RYK: variants seen among roughly 807,000 people sequenced by gnomAD.
RYK encodes inactive tyrosine-protein kinase RYK.
RYK carries 21 observed loss-of-function variants against 70.2 expected under a neutral mutation model. The ratio of observed to expected loss-of-function variants is 0.30; its 90% CI spans 0.21 to 0.43. The LOEUF is 0.43. Ranked by LOEUF, RYK falls within the 20% of genes least tolerant of loss-of-function variation. The pLI is 1.00. For synonymous variants in RYK, 267 were observed against 278.0 expected, an observed-to-expected ratio of 0.96 and a Z score of 0.39; for missense variants, 604 against 753.3, an observed-to-expected ratio of 0.80 and a Z score of 2.32.
intron 13 of RYK, among the ~76,000 whole-genome samples, chr3:134,160,738 C>T (rs992388515): frequency 6.6e-6 from 1 of 152,112 alleles, no homozygotes; most frequent in African/African-American, 2.4e-5. Flanking sequence ...GCCTGTAATC[C>T]CAGCTACTCG....
At chr3:134,190,401 T>C (rs1038453082) in intron 8 of RYK, among the ~76,000 whole-genome samples, 1 of 152,130 alleles carries the variant, frequency 6.6e-6, no homozygotes, top group African/African-American at 2.4e-5. Flanking sequence ...TTAAAAACAA[T>C]GGAAGTAAGG....
At chr3:134,221,402 A>C (rs1169517832) in intron 2 of RYK, among the ~76,000 whole-genome samples, 1 of 151,652 alleles carries the variant, frequency 6.6e-6, no homozygotes, top group Non-Finnish European at 1.5e-5. Context: ...ATGGGGTTTC[A>C]CCATGTTGGC....
At chr3:134,192,076 G>A in intron 7 of RYK, 102 bp from the exon 8 acceptor site, 1 of 1,137,602 alleles carries the variant, frequency 8.8e-7, no homozygotes, top group Non-Finnish European at 1.3e-6. Context: ...TCACAGGAAT[G>A]AGTGTAAGAA....
chr3:134,195,823 G>A (rs1281741566), intron 6 of RYK, among the ~76,000 whole-genome samples: 1 of 152,108 alleles, frequency 6.6e-6, no homozygotes, highest in Non-Finnish European at 1.5e-5. Context: ...ACGCGTGCCT[G>A]TAGTCCCAGT....
At chr3:134,171,162 T>C (rs554413640) in intron 13 of RYK, 7 of 152,322 alleles carry the variant, frequency 4.6e-5, no homozygotes, top group East Asian at 1.9e-4. Context: ...ATTAAGTTAA[T>C]GGTGATATTT....
At chr3:134,250,069 TAGAA>T (rs1478580869) in intron 1 of RYK, among the ~76,000 whole-genome samples, 2 of 151,798 alleles carry the variant, frequency 1.3e-5, no homozygotes, top group African/African-American at 2.4e-5. Flanking sequence ...GTGACACACA[TAGAA>T]AGCGTCAAAA....
chr3:134,219,947 ATTAC>A (rs2014687528), intron 2 of RYK, among the ~76,000 whole-genome samples: 1 of 152,210 alleles, frequency 6.6e-6, no homozygotes, highest in Non-Finnish European at 1.5e-5. Context: ...CTCCCCACAA[ATTAC>A]TTACTAACTA....
At chr3:134,187,240 G>A (rs551409925) in intron 9 of RYK, among the ~76,000 whole-genome samples, 87 of 152,256 alleles carry the variant, frequency 5.7e-4, no homozygotes, top group African/African-American at 2.0e-3. Flanking sequence ...TTTTTTGTTA[G>A]ATTGGTATAA....
At chr3:134,248,049 C>T (rs1691773570) in intron 1 of RYK, among the ~76,000 whole-genome samples, 1 of 152,110 alleles carries the variant, frequency 6.6e-6, no homozygotes, top group Admixed American at 6.5e-5. Flanking sequence ...CATCTCAGTC[C>T]TACCCACTTG....
At chr3:134,176,063 G>A (rs997525956) in intron 11 of RYK, 24 bp from the exon 12 acceptor site, 21 of 1,375,244 alleles carry the variant, frequency 1.5e-5, no homozygotes, top group Non-Finnish European at 2.0e-5. Flanking sequence ...AAATAACATG[G>A]TTTGCAAATA....
intron 13 of RYK, among the ~76,000 whole-genome samples, chr3:134,165,549 A>G (rs2012635242): frequency 6.6e-6 from 1 of 152,182 alleles, no homozygotes; most frequent in South Asian, 2.1e-4. Context: ...CTCCTCTTAG[A>G]TGCCTCTTTA....
chr3:134,177,694 A>G (rs939791125), intron 11 of RYK, among the ~76,000 whole-genome samples: 3 of 152,190 alleles, frequency 2.0e-5, no homozygotes, highest in African/African-American at 7.2e-5. Flanking sequence ...GTTTGAGTTG[A>G]TTATGAATAA....
intron 1 of RYK, 138 bp from the exon 2 acceptor site, chr3:134,222,677 C>T: frequency 1.5e-6 from 1 of 671,042 alleles, no homozygotes; most frequent in Non-Finnish European, 2.4e-6. Context: ...ACATGGGCTG[C>T]CTTATGAAGC....
Position 134,209,993 on chromosome 3 carries a change from C to A in RYK, c.455-164G>T, listed in dbSNP as rs192576656. On this transcript the variant is annotated intron_variant, in intron 3 of 14. Coordinates refer to ENST00000623711, the MANE Select transcript of RYK (RefSeq NM_002958.4). Reference sequence around the variant, plus strand: ...CTAAACAAAAGTTTTTAGAGATCTTCAGACTACCACACCTCTAGACATTAA... The same window carrying A: ...CTAAACAAAAGTTTTTAGAGATCTTAAGACTACCACACCTCTAGACATTAA... 4.6e-5 allele frequency among the ~76,000 whole-genome samples: 7 copies of A among 152,314 alleles called. No individual in the cohort carries two copies. In the East Asian group the frequency reaches 1.3e-3, roughly 29 times the overall value.
intron 8 of RYK, among the ~76,000 whole-genome samples, chr3:134,189,798 G>GT (rs1391222744): frequency 6.7e-6 from 1 of 149,744 alleles, no homozygotes; most frequent in Non-Finnish European, 1.5e-5. Flanking sequence ...AGAGAAGTTA[G>GT]TTATGACCTT....
chr3:134,158,286 A>T (rs1453461871), intron 14 of RYK, 22 bp from the exon 15 acceptor site: 1 of 1,489,404 alleles, frequency 6.7e-7, no homozygotes, highest in Non-Finnish European at 9.1e-7. Context: ...CAAAAATGAA[A>T]ATTTGGGCTA....
chr3:134,208,963 G>A (rs1247892580), intron 4 of RYK, among the ~76,000 whole-genome samples: 2 of 151,814 alleles, frequency 1.3e-5, no homozygotes, highest in Non-Finnish European at 1.5e-5. Context: ...TTCTACCTAC[G>A]TGACCTTGTA....
At chr3:134,241,805 A>G (rs1335465752) in intron 1 of RYK, among the ~76,000 whole-genome samples, 1 of 152,208 alleles carries the variant, frequency 6.6e-6, no homozygotes, top group Non-Finnish European at 1.5e-5. Flanking sequence ...ATTGCCCACA[A>G]CCTCAGCATC....
chr3:134,203,142 G>A (rs989925442), intron 5 of RYK, among the ~76,000 whole-genome samples: 1 of 152,164 alleles, frequency 6.6e-6, no homozygotes, highest in African/African-American at 2.4e-5. Context: ...GAGGTCAGGA[G>A]TTTGAGACCA....
Sources: gnomAD v4.1 joint callset for allele counts (sites outside exome capture counted in the v4.1 genomes callset) on GRCh38, gnomAD v4.1.1 for gene constraint, MANE v1.5 for transcripts, NCBI Gene and HGNC (gene_info 2026-07-23, HGNC 2026-07-21) for gene names.